Variants in MRPL45 observed in about 807,000 individuals in gnomAD.
The protein encoded by MRPL45 is large ribosomal subunit protein mL45.
A neutral mutation model predicts 38.1 loss-of-function variants in MRPL45; 20 were observed. The ratio of observed to expected loss-of-function variants is 0.53; its 90% CI spans 0.37 to 0.76. The LOEUF (loss-of-function observed/expected upper bound fraction) is 0.76, where lower values mean the gene tolerates loss of function less well. Among genes scored for constraint, MRPL45 ranks in the 30% least tolerant of loss-of-function variants. MRPL45 has a pLI of 0.00. For synonymous variants in MRPL45, 105 were observed against 128.8 expected, an observed-to-expected ratio of 0.82 and a Z score of 1.25; for missense variants, 337 against 395.6, an observed-to-expected ratio of 0.85 and a Z score of 1.26.
At position 38,297,256 on chromosome 17, in the gene MRPL45, A is replaced by G; in HGVS notation, c.66+7A>G. On this transcript the variant is annotated splice_region_variant and intron_variant, in intron 1 of 7. Coordinates refer to ENST00000613675, the MANE Select transcript of MRPL45 (RefSeq NM_032351.6). ...GGGCTGGTGGTCTCGGCAGGTGGGT[A>G]GGGACGGGGCCGATAGGACCCTAGG... is the stretch of plus-strand genomic sequence containing the variant. The G allele has an allele frequency of 7.4e-6, 12 of 1,613,828 alleles. No individual in the cohort carries two copies. The highest frequency in any genetic ancestry group is 1.0e-5 in the Non-Finnish European group (12 of 1,179,756).
intron 1 of MRPL45, among the ~76,000 whole-genome samples, chr17:38,297,878 G>A (rs142002694): frequency 0.021 from 3,232 of 152,242 alleles, 118 homozygotes; most frequent in African/African-American, 0.074. Context: ...CAGAAGGATG[G>A]CTTGAGCCCA....
In MRPL45 at chr17:38,322,890, A is replaced by G; in HGVS notation, c.*295A>G. On this transcript the variant is annotated 3_prime_UTR_variant, in exon 8 of 8. Transcript: ENST00000613675. ...GATATCAGTTTTTCCCACAGCAGGG[A>G]CTGTGAGAGACAACCAGCAGCATCC... The G allele has an allele frequency of 3.0e-6, 1 of 330,974 alleles. No homozygotes were observed. Among genetic ancestry groups the G allele is most frequent in the East Asian group, 5.4e-5 (1 of 18,386 alleles). 20.5% of individuals were successfully genotyped at this position (330,974 alleles called of 1,614,324 possible).
At chr17:38,310,699 C>T (rs1028527596) in intron 4 of MRPL45, among the ~76,000 whole-genome samples, 1 of 152,086 alleles carries the variant, frequency 6.6e-6, no homozygotes, top group East Asian at 1.9e-4. Flanking sequence ...GATCATGGCT[C>T]ACTGCTGCCT....
At chr17:38,320,880 A>G (rs2037223181) in intron 6 of MRPL45, 113 bp downstream of exon 6, 1 of 997,236 alleles carries the variant, frequency 1.0e-6, no homozygotes, top group East Asian at 2.4e-5. Context: ...TAAAAGGTAC[A>G]CTGTGATCTG....
rs1476124500 is a variant in MRPL45 at position 38,322,666 on chromosome 17, C to G, written c.*71C>G. The G allele has an allele frequency of 1.0e-5, 12 of 1,183,102 alleles. No individual in the cohort carries two copies. The highest frequency in any genetic ancestry group is 1.5e-5 in the Non-Finnish European group (12 of 815,512). The allele number at this position is 1,183,102 out of a possible 1,614,324, so 73.3% of individuals were successfully genotyped here. A position where few individuals can be genotyped will look rare whatever the true frequency, so the allele number is the denominator to read the frequency against. ...GGAAGCTTTGAAGTCTCCCATTCCC[C>G]TCATGCTATAAAAAGAACTACCTTT... On this transcript the variant is annotated 3_prime_UTR_variant, in exon 8 of 8. Coordinates refer to ENST00000613675, the MANE Select transcript of MRPL45 (RefSeq NM_032351.6).
At chr17:38,311,419 G>A (rs1035252892) in intron 4 of MRPL45, among the ~76,000 whole-genome samples, 5 of 152,106 alleles carry the variant, frequency 3.3e-5, no homozygotes, top group African/African-American at 4.8e-5. Flanking sequence ...CAGGTGTGGT[G>A]GTTCACGCCT....
At chr17:38,305,338 G>A (rs1401242806) in intron 3 of MRPL45, among the ~76,000 whole-genome samples, 3 of 143,230 alleles carry the variant, frequency 2.1e-5, no homozygotes, top group Non-Finnish European at 4.6e-5. Flanking sequence ...GGGGTGATGT[G>A]TGCCTGTAGT....
intron 4 of MRPL45, among the ~76,000 whole-genome samples, chr17:38,307,331 C>T (rs905058893): frequency 2.0e-5 from 3 of 149,748 alleles, no homozygotes; most frequent in Admixed American, 6.7e-5. Flanking sequence ...CCACCACGCC[C>T]GGCCCCCTTT....
chr17:38,300,905 C>T (rs2036988505), intron 3 of MRPL45, among the ~76,000 whole-genome samples: 1 of 152,146 alleles, frequency 6.6e-6, no homozygotes, highest in Non-Finnish European at 1.5e-5. Context: ...GAGATCGTGC[C>T]ATTGCACTCC....
intron 3 of MRPL45, among the ~76,000 whole-genome samples, chr17:38,302,486 C>G (rs1306009402): frequency 3.6e-5 from 2 of 55,756 alleles, no homozygotes; most frequent in Non-Finnish European, 6.1e-5. Flanking sequence ...GACTCCATCT[C>G]AAAAAAAAAA....
intron 3 of MRPL45, among the ~76,000 whole-genome samples, chr17:38,301,440 A>G (rs759773310): frequency 6.6e-6 from 1 of 152,066 alleles, no homozygotes; most frequent in African/African-American, 2.4e-5. Flanking sequence ...GGGTTTCTCC[A>G]TGTTGGTCAG....
chr17:38,310,275 TTG>T (rs1022079549), intron 4 of MRPL45, among the ~76,000 whole-genome samples: 1 of 151,760 alleles, frequency 6.6e-6, no homozygotes, highest in Non-Finnish European at 1.5e-5. Context: ...CCATTTTCTC[TTG>T]TCTTATTTGT....
intron 4 of MRPL45, among the ~76,000 whole-genome samples, chr17:38,314,441 GT>G (rs1008052965): frequency 2.0e-5 from 3 of 152,120 alleles, no homozygotes; most frequent in African/African-American, 7.2e-5. Context: ...ATGCAAAAAA[GT>G]TTTAAATTTT....
At chr17:38,311,570 C>T (rs924496010) in intron 4 of MRPL45, among the ~76,000 whole-genome samples, 13 of 151,654 alleles carry the variant, frequency 8.6e-5, no homozygotes, top group South Asian at 2.1e-4. Context: ...CCTGTAGTCC[C>T]GGTTACTTGG....
chr17:38,307,109 C>T (rs1371934498), intron 4 of MRPL45, among the ~76,000 whole-genome samples: 3 of 152,100 alleles, frequency 2.0e-5, no homozygotes, highest in Non-Finnish European at 2.9e-5. Context: ...TCTTGGCTCT[C>T]TGCAACCTCC....
intron 3 of MRPL45, among the ~76,000 whole-genome samples, chr17:38,305,801 C>G (rs866097264): frequency 7.2e-5 from 11 of 151,980 alleles, no homozygotes; most frequent in Middle Eastern, 3.4e-3. Flanking sequence ...CACCACCATG[C>G]CCAGCTTATT....
At chr17:38,314,723 C>T (rs572753364) in intron 4 of MRPL45, among the ~76,000 whole-genome samples, 2 of 152,236 alleles carry the variant, frequency 1.3e-5, no homozygotes, top group East Asian at 3.9e-4. Context: ...AGAGACTGTG[C>T]TTTCCCATTA....
chr17:38,308,763 A>G (rs1263126064), intron 4 of MRPL45, among the ~76,000 whole-genome samples: 1 of 150,986 alleles, frequency 6.6e-6, no homozygotes, highest in Non-Finnish European at 1.5e-5. Flanking sequence ...TTTAGTAGAG[A>G]TGGGGTTTTG....
intron 3 of MRPL45, among the ~76,000 whole-genome samples, chr17:38,303,690 G>A (rs2144207465): frequency 6.6e-6 from 1 of 151,836 alleles, no homozygotes; most frequent in East Asian, 1.9e-4. Context: ...AAGGCCAACT[G>A]TACGTCTTAG....
Sources: gnomAD v4.1 joint callset for allele counts (sites outside exome capture counted in the v4.1 genomes callset) on GRCh38, gnomAD v4.1.1 for gene constraint, MANE v1.5 for transcripts, NCBI Gene and HGNC (gene_info 2026-07-23, HGNC 2026-07-21) for gene names.